FAF1: variants seen among roughly 807,000 people sequenced by gnomAD.
FAF1 encodes the protein FAS-associated factor 1.
A neutral mutation model predicts 92.5 loss-of-function variants in FAF1; 25 were observed. The observed-to-expected ratio is 0.27, with a 90% confidence interval of 0.20 to 0.38. The LOEUF is 0.38. Among genes scored for constraint, FAF1 ranks in the 10% least tolerant of loss-of-function variants. FAF1 has a pLI of 1.00. For missense variants in FAF1, 636 were observed against 793.3 expected (o/e 0.80, Z 2.38); for synonymous variants, 234 against 273.2 (o/e 0.86, Z 1.42).
intron 13 of FAF1, among the ~76,000 whole-genome samples, chr1:50,559,408 CTA>C (rs1273039595): frequency 6.6e-6 from 1 of 152,150 alleles, no homozygotes; most frequent in East Asian, 1.9e-4. Flanking sequence ...TATTAGGAAA[CTA>C]TTCACAAGTG....
chr1:50,911,367 T>G (rs1212108413), intron 1 of FAF1, among the ~76,000 whole-genome samples: 1 of 150,148 alleles, frequency 6.7e-6, no homozygotes, highest in East Asian at 2.1e-4. Flanking sequence ...CCACCACACC[T>G]GGCTGCCTTT....
chr1:50,739,411 C>CAT (rs113943392), intron 5 of FAF1, among the ~76,000 whole-genome samples: 70,005 of 150,604 alleles, frequency 0.46, 18,281 homozygotes, highest in African/African-American at 0.7. Flanking sequence ...TATGTGTATA[C>CAT]ATGTGAGTGT....
chr1:50,804,688 G>C (rs1662121648), intron 2 of FAF1, among the ~76,000 whole-genome samples: 1 of 152,142 alleles, frequency 6.6e-6, no homozygotes, highest in South Asian at 2.1e-4. Flanking sequence ...GACAGAAACT[G>C]TAAGAAGAAC....
chr1:50,444,584 C>T (rs1249500672), intron 18 of FAF1, among the ~76,000 whole-genome samples: 1 of 152,214 alleles, frequency 6.6e-6, no homozygotes, highest in East Asian at 1.9e-4. Context: ...GCTACTACTG[C>T]TTCTCTTATC....
chr1:50,566,586 G>T (rs1391534280), intron 13 of FAF1, among the ~76,000 whole-genome samples: 1 of 151,952 alleles, frequency 6.6e-6, no homozygotes, highest in African/African-American at 2.4e-5. Context: ...ATGTATTGTT[G>T]GCTGTGTGCA....
chr1:50,521,773 G>C (rs761037095), intron 15 of FAF1, among the ~76,000 whole-genome samples: 2 of 152,060 alleles, frequency 1.3e-5, no homozygotes, highest in African/African-American at 2.4e-5. Flanking sequence ...ATCATCAATT[G>C]TGTTCTGTCA....
In FAF1 at chr1:50,813,469, A is replaced by AT. The variant is rs1240048488; in HGVS notation, c.115-11793dup. Among the ~76,000 whole-genome samples, 5 of 151,486 alleles carry AT rather than the reference A, an allele frequency of 3.3e-5. 1 individual carries two copies. The highest frequency in any genetic ancestry group is 7.4e-5 in the Non-Finnish European group (5 of 67,812). On this transcript the variant is annotated intron_variant, in intron 2 of 18. Coordinates refer to ENST00000396153, the MANE Select transcript of FAF1 (RefSeq NM_007051.3). ...TATTTTATGCTTTCCTTTTAAAAAA[A>AT]TTTTTTTTTGAGACAAGGTCTCCCT...
intron 13 of FAF1, among the ~76,000 whole-genome samples, chr1:50,561,518 T>C (rs1399187533): frequency 6.6e-6 from 1 of 152,158 alleles, no homozygotes; most frequent in Non-Finnish European, 1.5e-5. Flanking sequence ...ATTATCAATA[T>C]AGTACTTACT....
intron 4 of FAF1, among the ~76,000 whole-genome samples, chr1:50,750,622 C>CTT (rs200229291): frequency 3.6e-4 from 48 of 133,748 alleles, no homozygotes; most frequent in African/African-American, 1.2e-3. Flanking sequence ...TTTTTCTTTT[C>CTT]TTTTTTTTTT....
chr1:50,935,018 C>T (rs1317059780), intron 1 of FAF1, among the ~76,000 whole-genome samples: 1 of 152,126 alleles, frequency 6.6e-6, no homozygotes, highest in Non-Finnish European at 1.5e-5. Flanking sequence ...TTGCATTAAA[C>T]CTACTTGGTA....
intron 13 of FAF1, among the ~76,000 whole-genome samples, chr1:50,550,194 C>T (rs566191450): frequency 4.0e-5 from 6 of 151,306 alleles, no homozygotes; most frequent in African/African-American, 1.5e-4. Flanking sequence ...ACTAAAAATA[C>T]AAAAAAATTA....
intron 2 of FAF1, chr1:50,846,540 C>A: frequency 2.0e-6 from 1 of 507,490 alleles, no homozygotes; most frequent in Admixed American, 2.1e-5. Flanking sequence ...TTGAAACATA[C>A]GATAGAGGTT....
chr1:50,914,770 C>G (rs1027207545), intron 1 of FAF1, among the ~76,000 whole-genome samples: 2 of 152,176 alleles, frequency 1.3e-5, no homozygotes, highest in Admixed American at 1.3e-4. Flanking sequence ...CCTTCTATCT[C>G]GCTATCAAAG....
At chr1:50,472,536 C>T (rs767575493) in intron 18 of FAF1, among the ~76,000 whole-genome samples, 1 of 152,042 alleles carries the variant, frequency 6.6e-6, no homozygotes, top group Non-Finnish European at 1.5e-5. Flanking sequence ...GGGAATTATG[C>T]TCAGCAGACA....
chr1:50,908,208 C>T (rs1454452583), intron 1 of FAF1, among the ~76,000 whole-genome samples: 1 of 152,178 alleles, frequency 6.6e-6, no homozygotes, highest in African/African-American at 2.4e-5. Context: ...ATCCTGAGTT[C>T]TAGTTTGATT....
intron 2 of FAF1, among the ~76,000 whole-genome samples, chr1:50,806,400 T>C (rs1557536698): frequency 6.6e-6 from 1 of 152,174 alleles, no homozygotes; most frequent in Admixed American, 6.5e-5. Context: ...TCTCATACAC[T>C]GTACAAACAA....
At chr1:50,675,658 C>T (rs1656086278) in intron 7 of FAF1, among the ~76,000 whole-genome samples, 1 of 152,144 alleles carries the variant, frequency 6.6e-6, no homozygotes, top group Non-Finnish European at 1.5e-5. Context: ...CATGCTGGGA[C>T]CCAAACTGGT....
Position 50,815,045 on chromosome 1 carries a change from A to C in FAF1, c.115-13368T>G, listed in dbSNP as rs77428412. Among the ~76,000 whole-genome samples, 1,101 of 152,340 alleles carry C rather than the reference A, an allele frequency of 7.2e-3. 11 individuals are homozygous for C. The highest frequency in any genetic ancestry group is 0.025 in the African/African-American group (1,051 of 41,564). The stretch of plus-strand genomic sequence containing the variant: ...TTCTGGGTATACAATAAAAAGAATT[A>C]AAAGCAGTCTCTTAAAAAGATATTT... On this transcript the variant is annotated intron_variant, in intron 2 of 18. Coordinates refer to ENST00000396153, the MANE Select transcript of FAF1 (RefSeq NM_007051.3).
At chr1:50,628,988 G>T (rs1186171498) in intron 8 of FAF1, among the ~76,000 whole-genome samples, 1 of 152,112 alleles carries the variant, frequency 6.6e-6, no homozygotes, top group South Asian at 2.1e-4. Context: ...AAAATGGGGT[G>T]AATAATAGCC....
Sources: allele counts gnomAD v4.1 joint callset (sites outside exome capture counted in the v4.1 genomes callset), GRCh38; gene constraint gnomAD v4.1.1; transcripts MANE v1.5; gene names NCBI Gene and HGNC (gene_info 2026-07-23, HGNC 2026-07-21).